Variants in SORCS1 observed in about 807,000 individuals in gnomAD.
The protein encoded by SORCS1 is VPS10 domain-containing receptor SorCS1.
Under a neutral mutation model 146.1 loss-of-function variants are expected in SORCS1, and 60 were observed. The ratio of observed to expected loss-of-function variants is 0.41; its 90% CI spans 0.33 to 0.51. The LOEUF (loss-of-function observed/expected upper bound fraction) is 0.51, where lower values mean the gene tolerates loss of function less well. SORCS1 is among the 20% of genes least tolerant of loss of function. The pLI is 0.21. For synonymous variants in SORCS1, 637 were observed against 584.0 expected (o/e 1.09, Z -1.31); for missense variants, 1,352 against 1,487.6 (o/e 0.91, Z 1.50).
intron 9 of SORCS1, among the ~76,000 whole-genome samples, chr10:106,694,069 T>C (rs142508658): frequency 0.012 from 1,849 of 152,186 alleles, 40 homozygotes; most frequent in Admixed American, 0.059. Flanking sequence ...GCTTTGTGGA[T>C]GGGATATTTT....
intron 1 of SORCS1, among the ~76,000 whole-genome samples, chr10:107,154,008 C>CTTTTTTTTTTTTTTTTTTTTT (rs71025579): frequency 2.1e-5 from 2 of 94,036 alleles, no homozygotes; most frequent in African/African-American, 4.1e-5. Flanking sequence ...CTTTTCTTTT[C>CTTTTTTTTTTTTTTTTTTTTT]TTTTTTTTTT....
At chr10:106,900,983 A>G (rs114090693) in intron 2 of SORCS1, among the ~76,000 whole-genome samples, 2,228 of 152,150 alleles carry the variant, frequency 0.015, 68 homozygotes, top group African/African-American at 0.051. Context: ...TTTCCCACTA[A>G]CTTTCTTCTT....
chr10:106,766,392 A>T (rs1247236988), intron 4 of SORCS1, among the ~76,000 whole-genome samples: 12 of 152,166 alleles, frequency 7.9e-5, no homozygotes, highest in Non-Finnish European at 1.2e-4. Context: ...AAGAGATGGT[A>T]CCTTAAGGAC....
intron 1 of SORCS1, among the ~76,000 whole-genome samples, chr10:107,118,081 T>C (rs1381884381): frequency 2.0e-5 from 3 of 152,084 alleles, no homozygotes; most frequent in Non-Finnish European, 2.9e-5. Flanking sequence ...CCCAGTGCAA[T>C]GATATTTAAA....
Position 106,730,079 on chromosome 10 carries a change from A to G in SORCS1, c.995T>C (p.Val332Ala). 6.2e-7 allele frequency: 1 copy of G among 1,614,228 alleles called. No individual in the cohort carries two copies. The highest frequency in any genetic ancestry group is 8.5e-7 in the Non-Finnish European group (1 of 1,180,030). The stretch of plus-strand genomic sequence containing the variant: ...ATCCACAGTTCTGGCCTCAAGATGC[A>G]CAAGGTCTGGTTCTTTATTTGACCC... Reference protein sequence around the residue: ...VMGSNKEPDLVHLEARTVDGH... With the variant: ...VMGSNKEPDLAHLEARTVDGH... Residue 332 changes from valine to alanine, a missense_variant, in exon 6 of 26, where the codon GTG becomes GCG. By Grantham distance (64) the Val-to-Ala change is moderately conservative. This residue lies in a region of SORCS1 where 490 missense variants were observed against 489.1 expected (regional missense o/e 1.00). Coordinates refer to ENST00000263054, the MANE Select transcript of SORCS1 (RefSeq NM_052918.5).
At chr10:107,010,514 C>T (rs959692440) in intron 1 of SORCS1, among the ~76,000 whole-genome samples, 6 of 152,136 alleles carry the variant, frequency 3.9e-5, no homozygotes, top group Non-Finnish European at 7.3e-5. Flanking sequence ...CATCCTGCAT[C>T]GGTGAACATC....
intron 1 of SORCS1, among the ~76,000 whole-genome samples, chr10:107,126,414 G>A (rs958317504): frequency 3.9e-5 from 6 of 151,926 alleles, no homozygotes; most frequent in Admixed American, 2.0e-4. Context: ...TAAGAAAAAC[G>A]TCTTCGATAG....
intron 2 of SORCS1, among the ~76,000 whole-genome samples, chr10:106,851,400 T>A (rs1949566660): frequency 6.6e-6 from 1 of 152,222 alleles, no homozygotes; most frequent in Non-Finnish European, 1.5e-5. Flanking sequence ...CAAACTTCCT[T>A]TTATTTGTAT....
chr10:106,996,691 T>A (rs1335552916), intron 1 of SORCS1, among the ~76,000 whole-genome samples: 1 of 152,164 alleles, frequency 6.6e-6, no homozygotes, highest in African/African-American at 2.4e-5. Flanking sequence ...CCCAATGATA[T>A]CACAGCAGGC....
intron 18 of SORCS1, among the ~76,000 whole-genome samples, chr10:106,647,462 C>T (rs1268787085): frequency 6.6e-6 from 1 of 151,856 alleles, no homozygotes; most frequent in African/African-American, 2.4e-5. Flanking sequence ...TATCAAGACT[C>T]ACCCTAACTC....
chr10:107,135,761 A>G (rs1967248280), intron 1 of SORCS1, among the ~76,000 whole-genome samples: 1 of 152,240 alleles, frequency 6.6e-6, no homozygotes, highest in African/African-American at 2.4e-5. Context: ...TACCCAGTAA[A>G]GTGCCTGGCC....
chr10:107,150,375 A>G (rs932742953), intron 1 of SORCS1, among the ~76,000 whole-genome samples: 2 of 152,244 alleles, frequency 1.3e-5, no homozygotes, highest in African/African-American at 4.8e-5. Context: ...ATTCTTAATA[A>G]TGCATAAATA....
intron 1 of SORCS1, among the ~76,000 whole-genome samples, chr10:107,146,954 T>TC (rs1968381020): frequency 6.6e-6 from 1 of 152,280 alleles, no homozygotes; most frequent in East Asian, 1.9e-4. Context: ...GATATGTGTT[T>TC]CCCCTCAAAT....
intron 18 of SORCS1, among the ~76,000 whole-genome samples, chr10:106,643,409 ACG>A (rs1319250887): frequency 6.6e-6 from 1 of 152,210 alleles, no homozygotes; most frequent in African/African-American, 2.4e-5. Context: ...TCCCGTGCCT[ACG>A]TATATAATCC....
intron 10 of SORCS1, among the ~76,000 whole-genome samples, chr10:106,687,853 G>C (rs1852977307): frequency 6.6e-6 from 1 of 152,124 alleles, no homozygotes; most frequent in Non-Finnish European, 1.5e-5. Flanking sequence ...TTCTGCAACA[G>C]GTTACTCATG....
intron 1 of SORCS1, among the ~76,000 whole-genome samples, chr10:106,969,564 A>G (rs182511213): frequency 2.0e-5 from 3 of 152,314 alleles, no homozygotes; most frequent in East Asian, 3.9e-4. Flanking sequence ...AAGTTATTCA[A>G]TGTTGAGCTT....
At chr10:106,948,641 G>C (rs1418293371) in intron 2 of SORCS1, among the ~76,000 whole-genome samples, 1 of 150,506 alleles carries the variant, frequency 6.6e-6, no homozygotes, top group Non-Finnish European at 1.5e-5. Context: ...GACAGAGCAA[G>C]ACCCTGTTTC....
At chr10:106,785,913 C>T (rs1297993632) in intron 3 of SORCS1, among the ~76,000 whole-genome samples, 1 of 152,146 alleles carries the variant, frequency 6.6e-6, no homozygotes, top group Non-Finnish European at 1.5e-5. Flanking sequence ...AAACATTGAT[C>T]ATCTCAAGTT....
intron 1 of SORCS1, among the ~76,000 whole-genome samples, chr10:107,076,142 C>T (rs773272855): frequency 3.3e-5 from 5 of 152,074 alleles, no homozygotes; most frequent in Admixed American, 6.6e-5. Context: ...GTTAGTGATA[C>T]TGTGAATACT....
Sources: allele counts gnomAD v4.1 joint callset (sites outside exome capture counted in the v4.1 genomes callset), GRCh38; gene constraint gnomAD v4.1.1; regional missense constraint gnomAD v4.1.1; transcripts MANE v1.5; gene names NCBI Gene and HGNC (gene_info 2026-07-23, HGNC 2026-07-21).